Variants in ADAMTS3 observed in about 807,000 individuals in gnomAD.
The protein encoded by ADAMTS3 is ADAM metallopeptidase with thrombospondin type 1 motif 3.
ADAMTS3 carries 73 observed loss-of-function variants against 129.0 expected under a neutral mutation model. That is an observed-to-expected ratio of 0.57 (90% CI 0.47 to 0.69). The LOEUF is 0.69. Ranked by LOEUF, ADAMTS3 falls within the 30% of genes least tolerant of loss-of-function variation. The pLI, the probability that ADAMTS3 is intolerant of heterozygous loss-of-function variation, is 0.00. For missense variants in ADAMTS3, 1,457 were observed against 1,514.5 expected (o/e 0.96, Z 0.63); for synonymous variants, 477 against 510.8 (o/e 0.93, Z 0.89).
chr4:72,465,479 G>A (rs991844767), intron 3 of ADAMTS3, among the ~76,000 whole-genome samples: 3 of 151,804 alleles, frequency 2.0e-5, no homozygotes, highest in African/African-American at 4.8e-5. Flanking sequence ...AGGGTGGGAG[G>A]GTTAAAAGTG....
chr4:72,322,970 A>C (rs573151938), intron 6 of ADAMTS3, 44 bp downstream of exon 6: 1 of 1,461,590 alleles, frequency 6.8e-7, no homozygotes, highest in African/African-American at 1.4e-5. Context: ...CTATTTGCTA[A>C]CCCAGTCCCT....
At chr4:72,513,175 C>T (rs1187038333) in intron 3 of ADAMTS3, among the ~76,000 whole-genome samples, 1 of 152,174 alleles carries the variant, frequency 6.6e-6, no homozygotes, top group East Asian at 1.9e-4. Flanking sequence ...GTTGACAGTT[C>T]ACATGCAATG....
chr4:72,290,806 T>G (rs759937057), intron 20 of ADAMTS3, 49 bp downstream of exon 20: 1 of 1,570,742 alleles, frequency 6.4e-7, no homozygotes, highest in Non-Finnish European at 8.7e-7. Flanking sequence ...TATCTACACA[T>G]GCTTACACAC....
chr4:72,521,964 A>G (rs758520377), intron 3 of ADAMTS3, among the ~76,000 whole-genome samples: 14 of 152,298 alleles, frequency 9.2e-5, no homozygotes, highest in Middle Eastern at 3.4e-3. Flanking sequence ...TGGCTCTAAA[A>G]CATCCCATTG....
intron 2 of ADAMTS3, among the ~76,000 whole-genome samples, chr4:72,565,635 T>A (rs1413940324): frequency 6.6e-6 from 1 of 152,166 alleles, no homozygotes; most frequent in Admixed American, 6.5e-5. Flanking sequence ...AAGAGAGAAA[T>A]CCCATAAAAC....
intron 3 of ADAMTS3, among the ~76,000 whole-genome samples, chr4:72,455,888 T>C (rs1291724880): frequency 8.2e-6 from 1 of 121,750 alleles, no homozygotes; most frequent in Non-Finnish European, 1.7e-5. Flanking sequence ...ACTATATATA[T>C]TTTATATATA....
chr4:72,559,093 A>G (rs1721838670), intron 2 of ADAMTS3, among the ~76,000 whole-genome samples: 1 of 151,736 alleles, frequency 6.6e-6, no homozygotes, highest in Non-Finnish European at 1.5e-5. Context: ...ACAAGGAAAA[A>G]GAGAAAGAGG....
chr4:72,446,538 C>T (rs573851572), intron 3 of ADAMTS3, among the ~76,000 whole-genome samples: 1 of 151,622 alleles, frequency 6.6e-6, no homozygotes, highest in Admixed American at 6.6e-5. Context: ...GTGTATGATC[C>T]AGACACTATT....
At chr4:72,425,494 C>T (rs1409257222) in intron 3 of ADAMTS3, among the ~76,000 whole-genome samples, 1 of 152,054 alleles carries the variant, frequency 6.6e-6, no homozygotes, top group African/African-American at 2.4e-5. Flanking sequence ...TTCCCCTTAC[C>T]CCACAACAGG....
At chr4:72,507,323 G>T (rs1484919875) in intron 3 of ADAMTS3, among the ~76,000 whole-genome samples, 2 of 151,936 alleles carry the variant, frequency 1.3e-5, no homozygotes, top group East Asian at 3.9e-4. Context: ...CAGCTCTGAT[G>T]AGCTGTTAGT....
At chr4:72,338,354 C>A (rs1414579735) in intron 5 of ADAMTS3, among the ~76,000 whole-genome samples, 1 of 152,092 alleles carries the variant, frequency 6.6e-6, no homozygotes, top group Non-Finnish European at 1.5e-5. Context: ...AATTTGTTTT[C>A]TGTGTGTTGT....
At chr4:72,492,808 T>A (rs1294986907) in intron 3 of ADAMTS3, among the ~76,000 whole-genome samples, 1 of 151,840 alleles carries the variant, frequency 6.6e-6, no homozygotes, top group Non-Finnish European at 1.5e-5. Context: ...GGTACTAAAG[T>A]CCCCAAGTGT....
chr4:72,440,143 A>G (rs1280191402), intron 3 of ADAMTS3, among the ~76,000 whole-genome samples: 1 of 151,816 alleles, frequency 6.6e-6, no homozygotes, highest in East Asian at 2.0e-4. Context: ...AATGGTGACA[A>G]TTATATAATA....
intron 17 of ADAMTS3, among the ~76,000 whole-genome samples, chr4:72,302,335 A>G (rs557338800): frequency 6.6e-6 from 1 of 152,146 alleles, no homozygotes; most frequent in Non-Finnish European, 1.5e-5. Flanking sequence ...TGGAAATTCT[A>G]TAAAAGAAAA....
At position 72,281,917 on chromosome 4, in the gene ADAMTS3, A is replaced by C. The variant is rs1024734475; in HGVS notation, c.*1219T>G. The C allele has an allele frequency of 3.3e-5, 5 of 152,206 alleles. No individual in the cohort carries two copies. Among genetic ancestry groups the C allele is most frequent in the Non-Finnish European group, 7.3e-5 (5 of 68,030 alleles). The allele number at this position is 152,206 out of a possible 1,614,324, so 9.4% of individuals were successfully genotyped here. A position where few individuals can be genotyped will look rare whatever the true frequency, so the allele number is the denominator to read the frequency against. ...GAGCATTTCTGGCTTTGCTGTGAGCAAGGTGACTACTGACATAAATTATTA... is the reference window on the plus strand; with the variant it reads ...GAGCATTTCTGGCTTTGCTGTGAGCCAGGTGACTACTGACATAAATTATTA... On this transcript the variant is annotated 3_prime_UTR_variant, in exon 22 of 22. Transcript: ENST00000286657.
intron 3 of ADAMTS3, among the ~76,000 whole-genome samples, chr4:72,437,781 A>G (rs1717988599): frequency 6.6e-6 from 1 of 151,930 alleles, no homozygotes; most frequent in East Asian, 2.0e-4. Flanking sequence ...AAAGTAAACA[A>G]GAATTCTTTC....
At chr4:72,537,048 T>G (rs1670838408) in intron 3 of ADAMTS3, among the ~76,000 whole-genome samples, 1 of 152,234 alleles carries the variant, frequency 6.6e-6, no homozygotes, top group African/African-American at 2.4e-5. Context: ...TTTGGAACTC[T>G]GTAGTCTACT....
chr4:72,545,114 T>C (rs531148116), intron 3 of ADAMTS3, among the ~76,000 whole-genome samples: 1 of 152,308 alleles, frequency 6.6e-6, no homozygotes, highest in South Asian at 2.1e-4. Context: ...TTCTACTTTA[T>C]TCCAAGATCA....
chr4:72,438,476 C>A (rs1350579972), intron 3 of ADAMTS3, among the ~76,000 whole-genome samples: 4 of 151,232 alleles, frequency 2.6e-5, no homozygotes, highest in African/African-American at 9.7e-5. Context: ...TTTTCTAAAC[C>A]AAAAAAATTA....
Sources: gnomAD v4.1 joint callset for allele counts (sites outside exome capture counted in the v4.1 genomes callset) on GRCh38, gnomAD v4.1.1 for gene constraint, MANE v1.5 for transcripts, NCBI Gene and HGNC (gene_info 2026-07-23, HGNC 2026-07-21) for gene names.